Variants in PRRG4 observed in about 807,000 individuals in gnomAD.
The protein encoded by PRRG4 is proline rich and Gla domain 4.
A neutral mutation model predicts 20.0 loss-of-function variants in PRRG4; 12 were observed. The observed-to-expected ratio is 0.60, with a 90% CI of 0.38 to 0.97. The LOEUF is 0.97. PRRG4 is among the 50% of genes least tolerant of loss of function. The pLI, the probability that PRRG4 is intolerant of heterozygous loss-of-function variation, is 0.00. For synonymous variants in PRRG4, 94 were observed against 96.4 expected, an observed-to-expected ratio of 0.98 and a Z score of 0.15; for missense variants, 199 against 265.1, an observed-to-expected ratio of 0.75 and a Z score of 1.73.
At chr11:32,836,866 A>T in intron 3 of PRRG4, 45 bp downstream of exon 3, 1 of 1,532,274 alleles carries the variant, frequency 6.5e-7, no homozygotes, top group Non-Finnish European at 8.9e-7. Flanking sequence ...GTTAAATTGT[A>T]CTTAAGAAAG....
chr11:32,833,306 T>C (rs759276578), intron 2 of PRRG4, among the ~76,000 whole-genome samples: 27 of 152,200 alleles, frequency 1.8e-4, no homozygotes, highest in Non-Finnish European at 2.9e-4. Context: ...ATTTATGATA[T>C]TGGCATAAAT....
At position 32,854,653 on chromosome 11, in the gene PRRG4, T is replaced by C. The variant is rs1315652609; in HGVS notation, c.*1126T>C. ...GGGGGGTTAGAAATACTTCACAGAA[T>C]TTGACATTTCAGTATAAATCTGTGA... On this transcript the variant is annotated 3_prime_UTR_variant, in exon 6 of 6. Transcript: ENST00000257836. 6.6e-6 allele frequency: 1 copy of C among 152,128 alleles called. No homozygotes were observed. Among genetic ancestry groups the C allele is most frequent in the Non-Finnish European group, 1.5e-5 (1 of 68,034 alleles). The allele number at this position is 152,128 out of a possible 1,614,324, so 9.4% of individuals were successfully genotyped here.
At chr11:32,845,998 T>C (rs1851127517) in intron 5 of PRRG4, among the ~76,000 whole-genome samples, 1 of 151,552 alleles carries the variant, frequency 6.6e-6, no homozygotes, top group Non-Finnish European at 1.5e-5. Flanking sequence ...CTACTAAAAA[T>C]ACAAAAAAAA....
Position 32,853,556 on chromosome 11 carries a change from T to C in PRRG4, c.*29T>C. 3.2e-6 allele frequency: 5 copies of C among 1,574,852 alleles called. No homozygotes were observed. In the African/African-American group the frequency reaches 4.0e-5, roughly 13 times the overall value. Reference sequence around the variant, plus strand: ...CCTTGTCATTTTGGTATAAGAAATTTGTGTTATTTGATAGGCCGGGCATGG... The same window carrying C: ...CCTTGTCATTTTGGTATAAGAAATTCGTGTTATTTGATAGGCCGGGCATGG... On this transcript the variant is annotated 3_prime_UTR_variant, in exon 6 of 6. Transcript: ENST00000257836.
intron 5 of PRRG4, among the ~76,000 whole-genome samples, chr11:32,843,476 A>G (rs1412441866): frequency 6.6e-6 from 1 of 151,776 alleles, no homozygotes; most frequent in African/African-American, 2.4e-5. Context: ...TGCCATTTAA[A>G]GTACTGGCAA....
chr11:32,839,639 G>C (rs1041045717), intron 4 of PRRG4, among the ~76,000 whole-genome samples: 1 of 140,858 alleles, frequency 7.1e-6, no homozygotes, highest in African/African-American at 2.7e-5. Flanking sequence ...AAAATATTTT[G>C]AATATTATTA....
intron 3 of PRRG4, among the ~76,000 whole-genome samples, chr11:32,837,541 GATTATTATT>G (rs35934196): frequency 0.038 from 3,642 of 95,650 alleles, 67 homozygotes; most frequent in South Asian, 0.046. Flanking sequence ...TGATGATGAT[GATTATTATT>G]ATTATTATTA....
chr11:32,835,535 A>G (rs1412411089), intron 2 of PRRG4, among the ~76,000 whole-genome samples: 4 of 152,156 alleles, frequency 2.6e-5, no homozygotes, highest in Non-Finnish European at 5.9e-5. Context: ...TGAAAATACT[A>G]CCATGGTTGG....
In PRRG4 at chr11:32,836,677, A is replaced by C. The variant is rs764468079; in HGVS notation, c.123A>C (p.Glu41Asp). ...TATTAGTGTTTACATCAAAAGAAGA[A>C]GCAAACTTTTTCATACATAGACGCC... ...AGEEVFTSKE[E>D]ANFFIHRRLL... The change falls in exon 3 of 6, where the codon GAA becomes GAC. Residue 41 changes from glutamate to aspartate, a missense_variant. Physicochemically the swap from Glu to Asp is conservative, Grantham distance 45 (BLOSUM62 2). Transcript: ENST00000257836. 6.3e-7 allele frequency: 1 copy of C among 1,590,236 alleles called. No individual in the cohort carries two copies. Among genetic ancestry groups the C allele is most frequent in the Non-Finnish European group, 8.6e-7 (1 of 1,162,518 alleles).
intron 2 of PRRG4, among the ~76,000 whole-genome samples, chr11:32,836,134 TAA>T (rs1851017567): frequency 6.6e-6 from 1 of 151,982 alleles, no homozygotes; most frequent in African/African-American, 2.4e-5. Context: ...ATTAATAACT[TAA>T]AGAGATCTTA....
intron 2 of PRRG4, among the ~76,000 whole-genome samples, chr11:32,835,580 G>A (rs1262939522): frequency 6.6e-6 from 1 of 152,222 alleles, no homozygotes; most frequent in East Asian, 1.9e-4. Flanking sequence ...TTCTTAACCT[G>A]TAGTGTTTAC....
In PRRG4 at chr11:32,854,010, C is replaced by T. The variant is rs1025591077; in HGVS notation, c.*483C>T. 3.9e-5 allele frequency: 6 copies of T among 155,148 alleles called. No individual in the cohort carries two copies. The highest frequency in any genetic ancestry group is 1.4e-4 in the African/African-American group (6 of 41,400). 9.6% of individuals were successfully genotyped at this position (155,148 alleles called of 1,614,324 possible). A position where few individuals can be genotyped will look rare whatever the true frequency, so the allele number is the denominator to read the frequency against. ...GGAAGAATAAGTCCATGTACTGTAC[C>T]ACAGAAGTTCTGTCTGCATCTTGGA... On this transcript the variant is annotated 3_prime_UTR_variant, in exon 6 of 6. Transcript: ENST00000257836.
chr11:32,830,245 T>C, intron 1 of PRRG4, 72 bp downstream of exon 1: 1 of 1,062,318 alleles, frequency 9.4e-7, no homozygotes, highest in Non-Finnish European at 1.2e-6. Flanking sequence ...CGGACTGGGT[T>C]GGATTCGAAC....
intron 5 of PRRG4, among the ~76,000 whole-genome samples, chr11:32,847,127 T>C (rs1264467743): frequency 6.6e-6 from 1 of 152,030 alleles, no homozygotes; most frequent in Admixed American, 6.6e-5. Flanking sequence ...CAGGACAAAA[T>C]GGTTCATATT....
chr11:32,848,150 T>TCG (rs1282410301), intron 5 of PRRG4, among the ~76,000 whole-genome samples: 1 of 152,232 alleles, frequency 6.6e-6, no homozygotes, highest in African/African-American at 2.4e-5. Flanking sequence ...GGACCCAGTC[T>TCG]CTGCTTCCAA....
At chr11:32,834,239 G>A (rs1043046627) in intron 2 of PRRG4, among the ~76,000 whole-genome samples, 1 of 152,134 alleles carries the variant, frequency 6.6e-6, no homozygotes, top group African/African-American at 2.4e-5. Context: ...CTCTTTGGCT[G>A]TTATGTTAAA....
At chr11:32,853,140 G>A (rs1020684087) in intron 5 of PRRG4, among the ~76,000 whole-genome samples, 156 bp from the exon 6 acceptor site, 9 of 151,994 alleles carry the variant, frequency 5.9e-5, no homozygotes, top group African/African-American at 1.7e-4. Context: ...TCTTTCCACT[G>A]TACCAAGACT....
At chr11:32,838,849 T>A in intron 3 of PRRG4, 33 bp from the exon 4 acceptor site, 1 of 1,508,744 alleles carries the variant, frequency 6.6e-7, no homozygotes, top group Non-Finnish European at 9.2e-7. Context: ...ATAAAGATAT[T>A]GAATAAACTT....
intron 2 of PRRG4, among the ~76,000 whole-genome samples, chr11:32,835,390 C>T (rs752046262): frequency 1.3e-5 from 2 of 152,156 alleles, no homozygotes; most frequent in Non-Finnish European, 2.9e-5. Flanking sequence ...GAAAAGTATC[C>T]GCACTTTTAA....
Sources: allele counts gnomAD v4.1 joint callset (sites outside exome capture counted in the v4.1 genomes callset), GRCh38; gene constraint gnomAD v4.1.1; transcripts MANE v1.5; gene names NCBI Gene and HGNC (gene_info 2026-07-23, HGNC 2026-07-21).